The following ANKFN1 variants were observed in gnomAD, a reference collection of about 807,000 sequenced individuals.
ANKFN1 encodes ankyrin repeat and fibronectin type III domain containing 1.
In ANKFN1, 74 loss-of-function variants were observed where a neutral mutation model predicts 108.7. That is an observed-to-expected ratio of 0.68 (90% CI 0.56 to 0.83). ANKFN1 has a LOEUF of 0.83. Among genes scored for constraint, ANKFN1 ranks in the 40% least tolerant of loss-of-function variants. The pLI is 0.00. For synonymous variants in ANKFN1, 547 were observed against 516.2 expected (o/e 1.06, Z -0.81); for missense variants, 1,505 against 1,382.3 (o/e 1.09, Z -1.41).
At chr17:56,120,614 T>C (rs781693499) in intron 4 of ANKFN1, among the ~76,000 whole-genome samples, 11 of 152,012 alleles carry the variant, frequency 7.2e-5, no homozygotes, top group Non-Finnish European at 1.5e-4. Context: ...AGCATGAAAA[T>C]AAGAGAAAAA....
chr17:56,263,141 A>C (rs547922479), intron 3 of ANKFN1, among the ~76,000 whole-genome samples: 1 of 152,372 alleles, frequency 6.6e-6, no homozygotes, highest in East Asian at 1.9e-4. Context: ...ACAAGTTCAC[A>C]GGCCATTGCT....
chr17:56,138,181 C>T (rs1907701297), intron 4 of ANKFN1, among the ~76,000 whole-genome samples: 1 of 152,152 alleles, frequency 6.6e-6, no homozygotes, highest in Admixed American at 6.5e-5. Context: ...ACTATGATTA[C>T]TCAGTTGAAA....
At chr17:56,505,377 G>C (rs889986644) in intron 20 of ANKFN1, among the ~76,000 whole-genome samples, 2 of 152,152 alleles carry the variant, frequency 1.3e-5, no homozygotes, top group African/African-American at 2.4e-5. Flanking sequence ...ACCATTTATA[G>C]CACAAGAGGT....
intron 6 of ANKFN1, chr17:56,368,276 CTTTTTT>C (rs71137202): frequency 9.1e-5 from 6 of 65,990 alleles, no homozygotes; most frequent in East Asian, 7.6e-4. Context: ...TGAAAATGAA[CTTTTTT>C]TTTTTTTTTT....
intron 4 of ANKFN1, among the ~76,000 whole-genome samples, chr17:56,107,308 G>C (rs1259049835): frequency 6.6e-6 from 1 of 152,138 alleles, no homozygotes; most frequent in African/African-American, 2.4e-5. Context: ...TGCCCATCTA[G>C]CTTGGTGGTT....
intron 2 of ANKFN1, among the ~76,000 whole-genome samples, chr17:56,218,890 C>T (rs149763637): frequency 1.2e-4 from 19 of 152,250 alleles, no homozygotes; most frequent in African/African-American, 4.1e-4. Context: ...TTTCTGCAAA[C>T]CTATTATCAT....
At chr17:56,220,840 GAGGGAGGGAGGAAGGAAGGA>G (rs1915819183) in intron 2 of ANKFN1, among the ~76,000 whole-genome samples, 2 of 71,858 alleles carry the variant, frequency 2.8e-5, no homozygotes, top group African/African-American at 2.3e-4. Flanking sequence ...GGGAGGAAGG[GAGGGAGGGAGGAAGGAAGGA>G]AGGAAGGAAG....
rs764642059 is a variant in ANKFN1 at position 56,510,880 on chromosome 17, T to C, written c.3052T>C (p.Leu1018=). The change falls in exon 21 of 21, where the codon TTG becomes CTG. Residue 1018 remains leucine, a synonymous_variant. Coordinates refer to ENST00000682825, the MANE Select transcript of ANKFN1 (RefSeq NM_001370326.1). Reference sequence around the variant, plus strand: ...CGGCTTCAGCCGCCATCATCGCTGGTTGCGCATCCACAGCGAGACCCAGTC... The same window carrying C: ...CGGCTTCAGCCGCCATCATCGCTGGCTGCGCATCCACAGCGAGACCCAGTC... ...YGGFSRHHRW[L]RIHSETQSLS... 4.9e-5 allele frequency: 76 copies of C among 1,536,156 alleles called. No homozygotes were observed. The highest frequency in any genetic ancestry group is 5.1e-5 in the Non-Finnish European group (59 of 1,146,908).
intron 8 of ANKFN1, among the ~76,000 whole-genome samples, chr17:56,428,424 A>G (rs528710597): frequency 5.3e-5 from 8 of 151,294 alleles, no homozygotes; most frequent in Non-Finnish European, 8.8e-5. Flanking sequence ...GCTATATCTT[A>G]AAAGTTGATT....
At chr17:56,090,597 T>C (rs1299194747) in intron 4 of ANKFN1, among the ~76,000 whole-genome samples, 1 of 151,248 alleles carries the variant, frequency 6.6e-6, no homozygotes, top group Non-Finnish European at 1.5e-5. Context: ...TGGCTCATCA[T>C]AACATTGTAA....
intron 4 of ANKFN1, among the ~76,000 whole-genome samples, chr17:56,133,277 A>G (rs915788596): frequency 2.6e-5 from 4 of 152,202 alleles, no homozygotes; most frequent in Non-Finnish European, 5.9e-5. Flanking sequence ...CAATTTTTAC[A>G]TGGTGCAAGA....
At chr17:56,202,340 T>A (rs990664982) in intron 1 of ANKFN1, among the ~76,000 whole-genome samples, 1 of 152,212 alleles carries the variant, frequency 6.6e-6, no homozygotes, top group Non-Finnish European at 1.5e-5. Context: ...CTCATCTCCA[T>A]GCCTCCAGTC....
chr17:56,120,342 C>T (rs964658032), intron 4 of ANKFN1, among the ~76,000 whole-genome samples: 2 of 152,170 alleles, frequency 1.3e-5, no homozygotes, highest in Non-Finnish European at 2.9e-5. Flanking sequence ...ATCCTCTCAT[C>T]ACCCTTCGGA....
At chr17:56,216,806 A>G (rs1166034207) in intron 2 of ANKFN1, among the ~76,000 whole-genome samples, 2 of 152,244 alleles carry the variant, frequency 1.3e-5, no homozygotes, top group South Asian at 4.1e-4. Flanking sequence ...AACTCTGCCC[A>G]GATCAGCCTA....
At chr17:56,082,624 C>T (rs1183106366) in intron 4 of ANKFN1, among the ~76,000 whole-genome samples, 2 of 152,158 alleles carry the variant, frequency 1.3e-5, no homozygotes, top group African/African-American at 4.8e-5. Flanking sequence ...AAAACTGGTG[C>T]CTCGTTTGTT....
At chr17:56,184,442 A>G (rs1050924885) in intron 1 of ANKFN1, among the ~76,000 whole-genome samples, 1 of 152,228 alleles carries the variant, frequency 6.6e-6, no homozygotes, top group Non-Finnish European at 1.5e-5. Flanking sequence ...CACAATTAAT[A>G]GACCACAGTA....
chr17:56,330,817 C>T (rs1161806697), intron 4 of ANKFN1, among the ~76,000 whole-genome samples: 1 of 152,196 alleles, frequency 6.6e-6, no homozygotes. Context: ...AGAATCAATA[C>T]TAATCATCTT....
intron 1 of ANKFN1, among the ~76,000 whole-genome samples, chr17:56,160,166 C>T (rs1037869072): frequency 5.3e-5 from 8 of 152,144 alleles, no homozygotes; most frequent in African/African-American, 1.7e-4. Context: ...TCAATTAGTC[C>T]TCTGTCTCTG....
chr17:56,162,879 A>G (rs1909790775), intron 1 of ANKFN1, among the ~76,000 whole-genome samples: 1 of 151,954 alleles, frequency 6.6e-6, no homozygotes, highest in Admixed American at 6.6e-5. Context: ...CTACTAAAGT[A>G]CACAAATTAG....
Sources: allele counts gnomAD v4.1 joint callset (sites outside exome capture counted in the v4.1 genomes callset), GRCh38; gene constraint gnomAD v4.1.1; transcripts MANE v1.5; gene names NCBI Gene and HGNC (gene_info 2026-07-23, HGNC 2026-07-21).